AP2B1: variants seen among roughly 807,000 people sequenced by gnomAD.
The protein encoded by AP2B1 is AP-2 complex subunit beta.
In AP2B1, 23 loss-of-function variants were observed where a neutral mutation model predicts 102.0. The ratio of observed to expected loss-of-function variants is 0.23; its 90% CI spans 0.16 to 0.32. The LOEUF is 0.32. Among genes scored for constraint, AP2B1 ranks in the 10% least tolerant of loss-of-function variants. The pLI is 1.00. For missense variants in AP2B1, 541 were observed against 1,157.4 expected, an observed-to-expected ratio of 0.47 and a Z score of 7.73; for synonymous variants, 381 against 421.2, an observed-to-expected ratio of 0.90 and a Z score of 1.17.
At chr17:35,707,195 C>G (rs961219520) in intron 18 of AP2B1, among the ~76,000 whole-genome samples, 20 of 151,992 alleles carry the variant, frequency 1.3e-4, no homozygotes, top group African/African-American at 4.6e-4. Context: ...TGCTCTGTCA[C>G]CAGGCTGGAG....
At chr17:35,640,084 T>G (rs2074726514) in intron 11 of AP2B1, among the ~76,000 whole-genome samples, 1 of 151,786 alleles carries the variant, frequency 6.6e-6, no homozygotes, top group Non-Finnish European at 1.5e-5. Flanking sequence ...ACCTGGCTAA[T>G]TTTTATATTT....
intron 1 of AP2B1, among the ~76,000 whole-genome samples, chr17:35,589,877 G>C (rs570338348): frequency 6.7e-6 from 1 of 148,966 alleles, no homozygotes; most frequent in African/African-American, 2.5e-5. Context: ...GCAAATATTA[G>C]ATTTTTTTTT....
chr17:35,714,872 A>G (rs187290400), intron 20 of AP2B1, among the ~76,000 whole-genome samples: 2 of 152,312 alleles, frequency 1.3e-5, no homozygotes, highest in Non-Finnish European at 2.9e-5. Flanking sequence ...ATTACATTAC[A>G]TTCTCATTAT....
At chr17:35,616,614 T>C (rs1462669312) in intron 5 of AP2B1, among the ~76,000 whole-genome samples, 1 of 152,202 alleles carries the variant, frequency 6.6e-6, no homozygotes, top group African/African-American at 2.4e-5. Context: ...ACTAGGAAAT[T>C]AGCATTGGGA....
chr17:35,667,720 A>G (rs1183939300), intron 14 of AP2B1, among the ~76,000 whole-genome samples: 4 of 151,968 alleles, frequency 2.6e-5, no homozygotes, highest in African/African-American at 4.8e-5. Context: ...TTCCTTTCCA[A>G]TGTGTTTTTC....
intron 18 of AP2B1, among the ~76,000 whole-genome samples, chr17:35,685,463 T>G (rs185019262): frequency 2.6e-5 from 4 of 152,340 alleles, no homozygotes; most frequent in African/African-American, 7.2e-5. Flanking sequence ...TAAATATATT[T>G]GTATAATGTT....
chr17:35,679,824 C>T (rs997116564), intron 17 of AP2B1, among the ~76,000 whole-genome samples: 4 of 151,744 alleles, frequency 2.6e-5, no homozygotes, highest in African/African-American at 9.7e-5. Flanking sequence ...TTCTCAAGAT[C>T]ATTTCATTAT....
intron 1 of AP2B1, among the ~76,000 whole-genome samples, chr17:35,591,156 A>G (rs183865317): frequency 9.2e-4 from 132 of 143,822 alleles, no homozygotes; most frequent in Non-Finnish European, 1.5e-3. Flanking sequence ...CCTGGGCCAC[A>G]GTGAGATTTT....
chr17:35,597,505 A>G (rs1444856867), intron 2 of AP2B1, among the ~76,000 whole-genome samples: 1 of 152,176 alleles, frequency 6.6e-6, no homozygotes, highest in African/African-American at 2.4e-5. Flanking sequence ...TTTCAAGATT[A>G]TTCTTGTTTG....
rs544876996 is a variant in AP2B1 at position 35,668,334 on chromosome 17, C to G, written c.1990-2523C>G. Reference sequence around the variant, plus strand: ...TGACTCTAAATAACTGATTCTCTAACGGCAGTGTTTTCAACCTTGGCTGTA... The same window carrying G: ...TGACTCTAAATAACTGATTCTCTAAGGGCAGTGTTTTCAACCTTGGCTGTA... On this transcript the variant is annotated intron_variant, in intron 14 of 21. Coordinates refer to ENST00000610402, the MANE Select transcript of AP2B1 (RefSeq NM_001030006.2). 1.8e-3 allele frequency among the ~76,000 whole-genome samples: 272 copies of G among 152,226 alleles called. 1 individual carries two copies. The highest frequency in any genetic ancestry group is 2.1e-3 in the Non-Finnish European group (140 of 68,024).
intron 14 of AP2B1, among the ~76,000 whole-genome samples, chr17:35,658,981 T>A (rs2075298055): frequency 6.6e-6 from 1 of 152,262 alleles, no homozygotes; most frequent in Non-Finnish European, 1.5e-5. Context: ...CCAGCTTATA[T>A]TGACACAAAT....
intron 5 of AP2B1, among the ~76,000 whole-genome samples, chr17:35,621,519 G>A (rs2074178095): frequency 6.6e-6 from 1 of 152,202 alleles, no homozygotes; most frequent in South Asian, 2.1e-4. Context: ...CCTCTGGACG[G>A]TCACCATTTG....
At chr17:35,644,016 C>T (rs1252243019) in intron 12 of AP2B1, among the ~76,000 whole-genome samples, 1 of 152,192 alleles carries the variant, frequency 6.6e-6, no homozygotes, top group East Asian at 1.9e-4. Context: ...GTTTAATTAA[C>T]GCTCTTTAGC....
At chr17:35,620,893 T>C (rs948751733) in intron 5 of AP2B1, among the ~76,000 whole-genome samples, 1 of 152,264 alleles carries the variant, frequency 6.6e-6, no homozygotes, top group African/African-American at 2.4e-5. Flanking sequence ...GTTCTCTTTC[T>C]GTCAGTATTT....
intron 18 of AP2B1, among the ~76,000 whole-genome samples, chr17:35,696,118 C>G (rs963653627): frequency 6.6e-6 from 1 of 152,136 alleles, no homozygotes; most frequent in Non-Finnish European, 1.5e-5. Context: ...CTCCTTTCCT[C>G]ATTAACTTCA....
chr17:35,683,784 C>T (rs2075874240), intron 18 of AP2B1, among the ~76,000 whole-genome samples: 1 of 152,186 alleles, frequency 6.6e-6, no homozygotes, highest in Admixed American at 6.5e-5. Flanking sequence ...GGAAGAAAGC[C>T]TTGGGCCACC....
intron 5 of AP2B1, among the ~76,000 whole-genome samples, chr17:35,611,480 T>C (rs565555750): frequency 4.1e-4 from 62 of 152,092 alleles, no homozygotes; most frequent in East Asian, 2.1e-3. Context: ...TGTGTGTGTG[T>C]GCGCGCGCGC....
At chr17:35,656,553 G>T (rs1298029922) in intron 13 of AP2B1, among the ~76,000 whole-genome samples, 2 of 152,118 alleles carry the variant, frequency 1.3e-5, no homozygotes, top group Non-Finnish European at 2.9e-5. Flanking sequence ...TTTAGTTTCT[G>T]TTCTTTGTTC....
At chr17:35,614,065 T>G (rs1344052530) in intron 5 of AP2B1, among the ~76,000 whole-genome samples, 1 of 152,212 alleles carries the variant, frequency 6.6e-6, no homozygotes, top group Non-Finnish European at 1.5e-5. Flanking sequence ...TGGTTTTCTT[T>G]TTTGCTCTCA....
Sources: allele counts gnomAD v4.1 joint callset (sites outside exome capture counted in the v4.1 genomes callset), GRCh38; gene constraint gnomAD v4.1.1; transcripts MANE v1.5; gene names NCBI Gene and HGNC (gene_info 2026-07-23, HGNC 2026-07-21).